Variants in USP13 observed in about 807,000 individuals in gnomAD.
The protein encoded by USP13 is ubiquitin specific peptidase 13.
Under a neutral mutation model 107.8 loss-of-function variants are expected in USP13, and 68 were observed. The ratio of observed to expected loss-of-function variants is 0.63; its 90% confidence interval spans 0.52 to 0.77. USP13 has a LOEUF of 0.77. Ranked by LOEUF, USP13 falls within the 30% of genes least tolerant of loss-of-function variation. The pLI, the probability that USP13 is intolerant of heterozygous loss-of-function variation, is 0.00. For missense variants in USP13, 945 were observed against 1,093.3 expected, an observed-to-expected ratio of 0.86 and a Z score of 1.91; for synonymous variants, 377 against 389.5, an observed-to-expected ratio of 0.97 and a Z score of 0.38.
intron 11 of USP13, among the ~76,000 whole-genome samples, chr3:179,741,191 TTTTG>T (rs759413942): frequency 9.6e-4 from 146 of 151,996 alleles, no homozygotes; most frequent in Middle Eastern, 6.8e-3. Context: ...AGCCAGTGTT[TTTTG>T]TTTGTTTGTT....
Position 179,653,452 on chromosome 3 carries a change from G to C in USP13, c.168+59G>C, listed in dbSNP as rs913317850. On this transcript the variant is annotated intron_variant, in intron 1 of 20. Transcript: ENST00000263966. The surrounding 1 kb of genome is among the most constrained non-coding windows in gnomAD (Gnocchi z 4.0). ...CCGGCGGCCTGCGGCACGTGAAGCCGGGGGAGAAGATGCGCAGTGGCGGCC... is the reference window on the plus strand; with the variant it reads ...CCGGCGGCCTGCGGCACGTGAAGCCCGGGGAGAAGATGCGCAGTGGCGGCC... 11 of 1,523,708 alleles carry C rather than the reference G, an allele frequency of 7.2e-6. No homozygotes were observed. The highest frequency in any genetic ancestry group is 8.8e-6 in the Non-Finnish European group (10 of 1,131,254). The allele number at this position is 1,523,708 out of a possible 1,614,324, so 94.4% of individuals were successfully genotyped here.
At chr3:179,716,535 T>C (rs1038031606) in intron 6 of USP13, among the ~76,000 whole-genome samples, 5 of 152,200 alleles carry the variant, frequency 3.3e-5, no homozygotes, top group African/African-American at 9.6e-5. Context: ...GATGAATGAG[T>C]GAGTTAACCT....
intron 10 of USP13, among the ~76,000 whole-genome samples, chr3:179,733,365 AT>A (rs1186918202): frequency 6.6e-6 from 1 of 152,102 alleles, no homozygotes; most frequent in Non-Finnish European, 1.5e-5. Context: ...ATTGACCATG[AT>A]TTTCCTTGTG....
At chr3:179,697,823 TGG>T (rs1712377330) in intron 3 of USP13, among the ~76,000 whole-genome samples, 1 of 152,186 alleles carries the variant, frequency 6.6e-6, no homozygotes, top group Admixed American at 6.5e-5. Flanking sequence ...TTCCCTAATT[TGG>T]ATTAAGTTTT....
Position 179,784,363 on chromosome 3 carries a change from G to T in USP13, c.*222G>T. ...TATATTGTAGATAGTTTTTATAAAT[G>T]TTCAAAAAGATGATGATATTTAAAA... On this transcript the variant is annotated 3_prime_UTR_variant, in exon 21 of 21. Coordinates refer to ENST00000263966, the MANE Select transcript of USP13 (RefSeq NM_003940.3). 2 of 401,548 alleles carry T rather than the reference G, an allele frequency of 5.0e-6. No individual in the cohort carries two copies. The highest frequency in any genetic ancestry group is 8.8e-6 in the Non-Finnish European group (2 of 226,688). 24.9% of individuals were successfully genotyped at this position (401,548 alleles called of 1,614,324 possible).
At chr3:179,726,959 G>A (rs1371315469) in intron 8 of USP13, among the ~76,000 whole-genome samples, 1 of 151,946 alleles carries the variant, frequency 6.6e-6, no homozygotes, top group Non-Finnish European at 1.5e-5. Context: ...GATTACAGGT[G>A]GCTTGGAGAC....
intron 12 of USP13, 152 bp from the exon 13 acceptor site, chr3:179,744,891 T>C (rs1021229945): frequency 1.2e-4 from 102 of 873,624 alleles, no homozygotes; most frequent in Non-Finnish European, 1.6e-4. Context: ...CAGAACAGCC[T>C]TTCAGCAGGG....
At chr3:179,664,810 G>T (rs993000371) in intron 1 of USP13, among the ~76,000 whole-genome samples, 2 of 152,202 alleles carry the variant, frequency 1.3e-5, no homozygotes, top group African/African-American at 2.4e-5. Flanking sequence ...AGGAAAGATG[G>T]TGCGTGGTGG....
At chr3:179,738,737 T>C (rs1714079613) in intron 10 of USP13, among the ~76,000 whole-genome samples, 1 of 152,218 alleles carries the variant, frequency 6.6e-6, no homozygotes, top group African/African-American at 2.4e-5. Context: ...AGGTTACCCG[T>C]ATTAAAGAGC....
rs764288764 is a variant in USP13, at chr3:179,701,067, C to T, written c.415C>T (p.Leu139Phe). Residue 139 changes from leucine to phenylalanine, a missense_variant, in exon 4 of 21, where the codon CTT becomes TTT. Transcript: ENST00000263966. ...DDYEYEDEAK[L>F]VIFPDHYEIA... Reference sequence around the variant, plus strand: ...TTATGAATATGAAGATGAAGCCAAACTTGTTATATTCCCAGATCACTATGA... The same window carrying T: ...TTATGAATATGAAGATGAAGCCAAATTTGTTATATTCCCAGATCACTATGA... 1 of 1,614,010 alleles carries T rather than the reference C, an allele frequency of 6.2e-7. No individual in the cohort carries two copies. Among genetic ancestry groups the T allele is most frequent in the Non-Finnish European group, 8.5e-7 (1 of 1,180,002 alleles).
chr3:179,730,509 T>A, intron 9 of USP13, 107 bp from the exon 10 acceptor site: 1 of 963,230 alleles, frequency 1.0e-6, no homozygotes, highest in Non-Finnish European at 1.5e-6. Flanking sequence ...GCAGATCAAA[T>A]GCTCCACCTA....
intron 10 of USP13, among the ~76,000 whole-genome samples, chr3:179,737,167 G>T (rs536807500): frequency 4.6e-5 from 7 of 152,292 alleles, no homozygotes; most frequent in Admixed American, 3.3e-4. Context: ...AGGGACCTCA[G>T]AAATGAGATG....
intron 1 of USP13, among the ~76,000 whole-genome samples, chr3:179,675,297 C>CT (rs1720862889): frequency 6.6e-6 from 1 of 151,882 alleles, no homozygotes; most frequent in South Asian, 2.1e-4. Flanking sequence ...TCTATTTGGA[C>CT]TTTATTACCA....
intron 10 of USP13, among the ~76,000 whole-genome samples, chr3:179,739,440 G>A (rs1025521717): frequency 3.9e-5 from 6 of 152,194 alleles, no homozygotes; most frequent in Non-Finnish European, 2.9e-5. Context: ...TCACTGGGCC[G>A]TGCAATGCCA....
In USP13 at chr3:179,701,986, C is replaced by CT. The variant is rs934304934; in HGVS notation, c.477+865dup. On this transcript the variant is annotated intron_variant, in intron 4 of 20. Coordinates refer to ENST00000263966, the MANE Select transcript of USP13 (RefSeq NM_003940.3). The stretch of plus-strand genomic sequence containing the variant: ...TGCCTGTACCACTTTGTCCTCTTTC[C>CT]TTTTTTTTGTTTTGGTCTCCCATTT... Among the ~76,000 whole-genome samples, 7 of 151,938 alleles carry CT rather than the reference C, an allele frequency of 4.6e-5. No individual in the cohort carries two copies. In the East Asian group the frequency reaches 5.8e-4, roughly 13 times the overall value.
rs959871645 is a variant in USP13 at position 179,653,582 on chromosome 3, G to A, written c.168+189G>A. 1 of 808,452 alleles carries A rather than the reference G, an allele frequency of 1.2e-6. No individual in the cohort carries two copies. Among genetic ancestry groups the A allele is most frequent in the Non-Finnish European group, 1.8e-6 (1 of 543,606 alleles). The allele number at this position is 808,452 out of a possible 1,614,324, so 50.1% of individuals were successfully genotyped here. A position where few individuals can be genotyped will look rare whatever the true frequency, so the allele number is the denominator to read the frequency against. Reference sequence around the variant, plus strand: ...GGCTGCTGCAGCCGAGGACTGGCTCGTGCTGGTGGTTTTGCTCCGCCAGCC... The same window carrying A: ...GGCTGCTGCAGCCGAGGACTGGCTCATGCTGGTGGTTTTGCTCCGCCAGCC... On this transcript the variant is annotated intron_variant, in intron 1 of 20. Coordinates refer to ENST00000263966, the MANE Select transcript of USP13 (RefSeq NM_003940.3). This position sits in a 1 kb window ranked among gnomAD's most constrained non-coding sequence, Gnocchi z 4.0.
At chr3:179,691,035 G>C (rs1712099982) in intron 3 of USP13, among the ~76,000 whole-genome samples, 1 of 151,958 alleles carries the variant, frequency 6.6e-6, no homozygotes, top group Non-Finnish European at 1.5e-5. Context: ...CGGGTATAGT[G>C]GTGTGTGTCT....
intron 2 of USP13, among the ~76,000 whole-genome samples, chr3:179,685,438 A>AG (rs1484799091): frequency 1.3e-5 from 2 of 152,082 alleles, no homozygotes; most frequent in African/African-American, 2.4e-5. Context: ...AACAAAGAAG[A>AG]GGGGGAGAGC....
intron 13 of USP13, among the ~76,000 whole-genome samples, chr3:179,749,912 T>G (rs1000967654): frequency 3.3e-5 from 5 of 152,214 alleles, no homozygotes; most frequent in African/African-American, 1.2e-4. Flanking sequence ...TGTTATGTAT[T>G]TTCCAGATTT....
Sources: gnomAD v4.1 joint callset for allele counts (sites outside exome capture counted in the v4.1 genomes callset) on GRCh38, gnomAD v4.1.1 for gene constraint, Gnocchi (gnomAD v3.1) non-coding constraint, MANE v1.5 for transcripts, NCBI Gene and HGNC (gene_info 2026-07-23, HGNC 2026-07-21) for gene names.